Variants in FAH observed in about 807,000 individuals in gnomAD.
FAH encodes fumarylacetoacetate hydrolase.
A neutral mutation model predicts 55.8 loss-of-function variants in FAH; 47 were observed. The observed-to-expected ratio is 0.84, with a 90% CI of 0.67 to 1.07. The LOEUF is 1.07. Among genes scored for constraint, FAH ranks in the 50% least tolerant of loss-of-function variants. FAH has a pLI of 0.00. For synonymous variants in FAH, 199 were observed against 207.7 expected, an observed-to-expected ratio of 0.96 and a Z score of 0.36; for missense variants, 495 against 545.9, an observed-to-expected ratio of 0.91 and a Z score of 0.93.
intron 5 of FAH, chr15:80,163,028 G>A (rs1414045890): frequency 6.4e-6 from 1 of 156,962 alleles, no homozygotes; most frequent in African/African-American, 2.4e-5. Flanking sequence ...CCAGGCCCCA[G>A]TGCCATCAGT....
chr15:80,159,115 G>A (rs2041125226), intron 2 of FAH, among the ~76,000 whole-genome samples: 1 of 151,924 alleles, frequency 6.6e-6, no homozygotes. Flanking sequence ...GTGCACGCCT[G>A]TAATCCCAGC....
At chr15:80,182,301 A>G (rs531356097) in intron 13 of FAH, among the ~76,000 whole-genome samples, 1 of 152,250 alleles carries the variant, frequency 6.6e-6, no homozygotes, top group South Asian at 2.1e-4. Flanking sequence ...AATTTACTAT[A>G]TAAGGTAACA....
At chr15:80,171,562 G>A (rs527678882) in intron 7 of FAH, among the ~76,000 whole-genome samples, 1 of 152,254 alleles carries the variant, frequency 6.6e-6, no homozygotes, top group African/African-American at 2.4e-5. Flanking sequence ...CCTGGCTCAA[G>A]CAATCTTCCC....
chr15:80,177,544 A>C lies in FAH; in HGVS notation c.921A>C (p.Gly307=), dbSNP rs76338717. Residue 307 remains glycine (G), a synonymous_variant, in exon 11 of 14, where the codon GGA becomes GGC. Transcript: ENST00000561421. ...TGCTTTTCTTTCCAACAGGAGAAGG[A>C]ATGAGCCAGGCGGCTACCATATGCA... ...INLSVNLKGE[G]MSQAATICKS... is the part of the protein sequence containing the mutation. 2 of 1,613,982 alleles carry C rather than the reference A, an allele frequency of 1.2e-6. No homozygotes were observed. The highest frequency in any genetic ancestry group is 1.7e-6 in the Non-Finnish European group (2 of 1,179,802).
chr15:80,184,880 C>T (rs2041357721), intron 13 of FAH, among the ~76,000 whole-genome samples: 1 of 152,096 alleles, frequency 6.6e-6, no homozygotes, highest in Non-Finnish European at 1.5e-5. Flanking sequence ...CCGTCAAGGC[C>T]CAGCTAAGAT....
intron 11 of FAH, among the ~76,000 whole-genome samples, chr15:80,179,120 GTATA>G (rs1303060647): frequency 1.3e-5 from 2 of 152,186 alleles, no homozygotes; most frequent in African/African-American, 4.8e-5. Flanking sequence ...GGTTATACCA[GTATA>G]TACTCCCACT....
Position 80,186,251 on chromosome 15 carries a change from C to T in FAH, c.*42C>T. ...CTGGAAACAAAGGGCTCAAGCACCCCTTTCAACCCTGTGACTGGGGTCCTC... is the reference window on the plus strand; with the variant it reads ...CTGGAAACAAAGGGCTCAAGCACCCTTTTCAACCCTGTGACTGGGGTCCTC... On this transcript the variant is annotated 3_prime_UTR_variant, in exon 14 of 14. Transcript: ENST00000561421. 6.5e-7 allele frequency: 1 copy of T among 1,533,546 alleles called. No individual in the cohort carries two copies. The highest frequency in any genetic ancestry group is 1.4e-5 in the African/African-American group (1 of 73,504). The allele number at this position is 1,533,546 out of a possible 1,614,324, so 95.0% of individuals were successfully genotyped here.
chr15:80,157,872 T>C (rs985259829), intron 1 of FAH, 188 bp from the exon 2 acceptor site: 1 of 628,656 alleles, frequency 1.6e-6, no homozygotes, highest in Non-Finnish European at 2.8e-6. Context: ...TTCCTTTTAG[T>C]TCTGGAAGCA....
At chr15:80,184,977 C>T (rs2041358708) in intron 13 of FAH, among the ~76,000 whole-genome samples, 1 of 152,192 alleles carries the variant, frequency 6.6e-6, no homozygotes, top group Non-Finnish European at 1.5e-5. Context: ...GGACCTCCCA[C>T]TCCCTCTAAG....
intron 1 of FAH, among the ~76,000 whole-genome samples, chr15:80,154,285 C>T (rs548658210): frequency 6.6e-6 from 1 of 152,362 alleles, no homozygotes; most frequent in African/African-American, 2.4e-5. Flanking sequence ...CCTCACCTTT[C>T]CTGGGAGCAC....
chr15:80,156,310 T>C (rs1177379160), intron 1 of FAH: 1 of 155,754 alleles, frequency 6.4e-6, no homozygotes, highest in Non-Finnish European at 1.4e-5. Flanking sequence ...CAATAAAGAG[T>C]AATATTAAAA....
intron 5 of FAH, chr15:80,162,824 GA>G: frequency 4.4e-6 from 1 of 224,722 alleles, no homozygotes; most frequent in Non-Finnish European, 9.0e-6. Context: ...TTACAGACAG[GA>G]AAATGGGCTC....
intron 13 of FAH, among the ~76,000 whole-genome samples, chr15:80,185,756 G>A (rs1416513488): frequency 6.6e-6 from 1 of 152,128 alleles, no homozygotes; most frequent in Non-Finnish European, 1.5e-5. Context: ...GGAGGAAACC[G>A]CTCCATGATT....
intron 7 of FAH, 44 bp downstream of exon 7, chr15:80,168,360 C>T (rs2041213777): frequency 1.2e-6 from 2 of 1,601,592 alleles, no homozygotes; most frequent in Admixed American, 1.7e-5. Context: ...CTATAGACAC[C>T]CGGCAGGAGA....
At chr15:80,178,848 A>G (rs138841577) in intron 11 of FAH, among the ~76,000 whole-genome samples, 1,692 of 152,140 alleles carry the variant, frequency 0.011, 42 homozygotes, top group African/African-American at 0.039. Flanking sequence ...TCAGCCTCCC[A>G]AAGTGCTGGG....
chr15:80,169,975 TATCACAACC>T (rs1390789004), intron 7 of FAH, among the ~76,000 whole-genome samples: 1 of 152,248 alleles, frequency 6.6e-6, no homozygotes, highest in African/African-American at 2.4e-5. Context: ...CATGGTGCTC[TATCACAACC>T]TGGATGTTGA....
rs151211649 is a variant in FAH, at chr15:80,180,432, G to A, written c.1062+207G>A. On this transcript the variant is annotated intron_variant, in intron 12 of 13. Coordinates refer to ENST00000561421, the MANE Select transcript of FAH (RefSeq NM_000137.4). Reference sequence around the variant, plus strand: ...AACCTAAAGAGACTGGTGTGAGAACGGAAGCCTGGGTCTCTGCCTCTGTAG... The same window carrying A: ...AACCTAAAGAGACTGGTGTGAGAACAGAAGCCTGGGTCTCTGCCTCTGTAG... 300 of 579,266 alleles carry A rather than the reference G, an allele frequency of 5.2e-4. 1 individual carries two copies. Among genetic ancestry groups the A allele is most frequent in the African/African-American group, 5.1e-3 (276 of 53,746 alleles). 35.9% of individuals were successfully genotyped at this position (579,266 alleles called of 1,614,324 possible). A position where few individuals can be genotyped will look rare whatever the true frequency, so the allele number is the denominator to read the frequency against.
chr15:80,168,247 T>TA lies in FAH; in HGVS notation c.554-17_554-16insA, dbSNP rs2041212120. 3.1e-6 allele frequency: 5 copies of TA among 1,611,058 alleles called. No individual in the cohort carries two copies. In the African/African-American group the frequency reaches 6.7e-5, roughly 22 times the overall value. On this transcript the variant is annotated splice_polypyrimidine_tract_variant and intron_variant, in intron 6 of 13. Coordinates refer to ENST00000561421, the MANE Select transcript of FAH (RefSeq NM_000137.4). ...ACTCACAGCACCGTTTTTTTTTTTT[T>TA]TCTGGTGTTATTCCAGCTAAGCCTC...
At position 80,153,028 on chromosome 15, in the gene FAH, C is replaced by T; in HGVS notation, c.-27C>T. ...CTGCTCTCCGCACGCCACCTTAGGC[C>T]CGCAGCCGTGCCGGGTGCTCTTCAG... is the stretch of plus-strand genomic sequence containing the variant. On this transcript the variant is annotated 5_prime_UTR_variant, in exon 1 of 14. Coordinates refer to ENST00000561421, the MANE Select transcript of FAH (RefSeq NM_000137.4). The T allele has an allele frequency of 6.2e-7, 1 of 1,607,170 alleles. No individual in the cohort carries two copies.
Sources: allele counts gnomAD v4.1 joint callset (sites outside exome capture counted in the v4.1 genomes callset), GRCh38; gene constraint gnomAD v4.1.1; transcripts MANE v1.5; gene names NCBI Gene and HGNC (gene_info 2026-07-23, HGNC 2026-07-21).